Variants in RELN observed in about 807,000 individuals in gnomAD.
RELN encodes the protein reelin.
Under a neutral mutation model 427.6 loss-of-function variants are expected in RELN, and 108 were observed. The observed-to-expected ratio is 0.25, with a 90% CI of 0.22 to 0.30. RELN has a LOEUF of 0.30. Among genes scored for constraint, RELN ranks in the 10% least tolerant of loss-of-function variants. RELN has a pLI of 1.00. For missense variants in RELN, 3,715 were observed against 4,302.8 expected (o/e 0.86, Z 3.82); for synonymous variants, 1,524 against 1,513.4 (o/e 1.01, Z -0.16).
chr7:103,556,433 A>G (rs918768509), intron 38 of RELN, among the ~76,000 whole-genome samples: 12 of 150,622 alleles, frequency 8.0e-5, no homozygotes, highest in Non-Finnish European at 1.5e-4. Context: ...ATACGTGTAT[A>G]TATATATATA....
chr7:103,892,240 G>A (rs764558529), intron 2 of RELN, among the ~76,000 whole-genome samples: 2 of 152,110 alleles, frequency 1.3e-5, no homozygotes, highest in African/African-American at 2.4e-5. Flanking sequence ...TAGAGCCTCC[G>A]TCATTCAGGA....
chr7:103,880,581 A>G (rs62482300), intron 2 of RELN, among the ~76,000 whole-genome samples: 19,844 of 152,158 alleles, frequency 0.13, 1,360 homozygotes, highest in Middle Eastern at 0.15. Context: ...CAAGGTTCAA[A>G]TTTCTGCTCC....
chr7:103,944,528 T>C (rs1259113147), intron 1 of RELN, among the ~76,000 whole-genome samples: 1 of 152,210 alleles, frequency 6.6e-6, no homozygotes, highest in Admixed American at 6.5e-5. Context: ...GCCCTCTGAC[T>C]TCTTCCTTTT....
rs926535592 is a variant in RELN at position 103,614,076 on chromosome 7, T to A, written c.2703-2273A>T. On this transcript the variant is annotated intron_variant, in intron 20 of 64. Transcript: ENST00000428762. ...ATGTGCTCTGTGAGCTATTTTGGAA[T>A]AGCTGATAACAGATTTTAAAGGTGC... is the stretch of plus-strand genomic sequence containing the variant. 4.6e-5 allele frequency among the ~76,000 whole-genome samples: 7 copies of A among 152,168 alleles called. No homozygotes were observed. In the East Asian group the frequency reaches 1.2e-3, roughly 25 times the overall value.
intron 4 of RELN, among the ~76,000 whole-genome samples, chr7:103,763,131 T>G (rs1409630675): frequency 6.6e-6 from 1 of 152,170 alleles, no homozygotes; most frequent in Non-Finnish European, 1.5e-5. Flanking sequence ...AAACATCATC[T>G]CAAATACCAT....
chr7:103,865,341 A>G (rs931928486), intron 2 of RELN, among the ~76,000 whole-genome samples: 2 of 151,558 alleles, frequency 1.3e-5, no homozygotes, highest in African/African-American at 4.8e-5. Context: ...AAGAAGTAAT[A>G]TCAATCTTTC....
chr7:103,708,464 CTTTT>C (rs745955015), intron 8 of RELN, among the ~76,000 whole-genome samples: 3 of 110,102 alleles, frequency 2.7e-5, no homozygotes, highest in Non-Finnish European at 5.2e-5. Flanking sequence ...GGGTATGACT[CTTTT>C]TTTTTTTTTT....
At chr7:103,558,513 C>A (rs930696676) in intron 36 of RELN, among the ~76,000 whole-genome samples, 4 of 152,054 alleles carry the variant, frequency 2.6e-5, no homozygotes, top group African/African-American at 9.7e-5. Flanking sequence ...TCTGACAGCC[C>A]CAGGGGCTCT....
intron 4 of RELN, among the ~76,000 whole-genome samples, chr7:103,773,440 T>TCC (rs1791655182): frequency 7.1e-6 from 1 of 140,742 alleles, no homozygotes; most frequent in Non-Finnish European, 1.5e-5. Context: ...TCTCTCTCTC[T>TCC]CTCTCCCTCG....
chr7:103,783,164 C>CTTTT (rs34257358), intron 3 of RELN, among the ~76,000 whole-genome samples: 22,229 of 109,028 alleles, frequency 0.2, 2,050 homozygotes, highest in Middle Eastern at 0.31. Flanking sequence ...CTCTTTCTTT[C>CTTTT]TTTTTTTTTT....
chr7:103,561,671 A>G lies in RELN; in HGVS notation c.5390T>C (p.Val1797Ala), dbSNP rs1462688546. ...RGFGGPYCVPVVPLPSILKDD... is the reference protein window; with the variant it reads ...RGFGGPYCVPAVPLPSILKDD... ...TTTAAGAATCGAGGGCAGAGGAACA[A>G]CAGGAACACAATAGGGTCCACCAAA... is the stretch of plus-strand genomic sequence containing the variant. The change falls in exon 36 of 65, where the codon GTT (valine) becomes GCT (alanine). Residue 1797 changes from valine (V) to alanine (A), a missense_variant. Transcript: ENST00000428762. The G allele has an allele frequency of 3.1e-6, 5 of 1,613,970 alleles. No individual in the cohort carries two copies. Among genetic ancestry groups the G allele is most frequent in the Non-Finnish European group, 4.2e-6 (5 of 1,179,992 alleles).
intron 2 of RELN, among the ~76,000 whole-genome samples, chr7:103,864,769 T>C (rs1323264377): frequency 6.6e-6 from 1 of 151,964 alleles, no homozygotes; most frequent in Admixed American, 6.6e-5. Context: ...AAACTGAGTT[T>C]GGCTTTTAAA....
At chr7:103,682,549 C>A (rs1833678686) in intron 10 of RELN, among the ~76,000 whole-genome samples, 1 of 152,212 alleles carries the variant, frequency 6.6e-6, no homozygotes. Flanking sequence ...AATTTCCCAT[C>A]TTTACCACTG....
At chr7:103,483,541 T>C (rs546665831) in intron 62 of RELN, 112 bp downstream of exon 62, 2 of 1,070,184 alleles carry the variant, frequency 1.9e-6, no homozygotes, top group African/African-American at 3.1e-5. Flanking sequence ...CCACCTAGTT[T>C]TGTGGCATTG....
chr7:103,640,665 A>C lies in RELN; in HGVS notation c.2003-56T>G. Reference sequence around the variant, plus strand: ...AAAAACATAGAACACTACCAGTACAATTTTGTGAAGTAATACTCATGAAAT... The same window carrying C: ...AAAAACATAGAACACTACCAGTACACTTTTGTGAAGTAATACTCATGAAAT... On this transcript the variant is annotated intron_variant, in intron 16 of 64. Transcript: ENST00000428762. The surrounding 1 kb of genome is among the most constrained non-coding windows in gnomAD (Gnocchi z 4.1). 1.3e-6 allele frequency: 2 copies of C among 1,573,894 alleles called. No individual in the cohort carries two copies. The highest frequency in any genetic ancestry group is 1.7e-6 in the Non-Finnish European group (2 of 1,147,898).
chr7:103,897,248 A>G (rs1794981153), intron 2 of RELN, among the ~76,000 whole-genome samples: 1 of 152,138 alleles, frequency 6.6e-6, no homozygotes. Flanking sequence ...TCAGTTCATT[A>G]GCTGAGTGTC....
rs778952398 is a variant in RELN at position 103,561,635 on chromosome 7, T to A, written c.5426A>T (p.Asn1809Ile). ...CCAAAGGTCAGGATGTAAATTCCCA[T>A]TGAAATCGTCTTTAAGAATCGAGGG... ...PLPSILKDDF[N>I]GNLHPDLWPE... The change falls in exon 36 of 65, where the codon AAT (asparagine) becomes ATT (isoleucine). Residue 1809 changes from asparagine (N) to isoleucine (I), a missense_variant. Around this residue, in one of 4 missense-constraint regions of RELN, gnomAD observed 2,208 missense variants for 2,361.7 expected, o/e 0.93. Transcript: ENST00000428762. 6.2e-7 allele frequency: 1 copy of A among 1,613,954 alleles called. No individual in the cohort carries two copies. Among genetic ancestry groups the A allele is most frequent in the South Asian group, 1.1e-5 (1 of 91,082 alleles).
chr7:103,842,531 G>A (rs1298063807), intron 2 of RELN, among the ~76,000 whole-genome samples: 1 of 152,116 alleles, frequency 6.6e-6, no homozygotes, highest in Non-Finnish European at 1.5e-5. Context: ...CCTTATTGCA[G>A]CTTATCTGTG....
chr7:103,868,590 C>T (rs1305578118), intron 2 of RELN, among the ~76,000 whole-genome samples: 1 of 152,038 alleles, frequency 6.6e-6, no homozygotes, highest in African/African-American at 2.4e-5. Context: ...CATAATCAGA[C>T]AGGACTAAAC....
Sources: allele counts gnomAD v4.1 joint callset (sites outside exome capture counted in the v4.1 genomes callset), GRCh38; gene constraint gnomAD v4.1.1; regional missense constraint gnomAD v4.1.1; non-coding constraint Gnocchi (gnomAD v3.1); transcripts MANE v1.5; gene names NCBI Gene and HGNC (gene_info 2026-07-23, HGNC 2026-07-21).